Variants in ZFAT observed in about 807,000 individuals in gnomAD.
ZFAT encodes zinc finger and AT-hook domain containing, also known as zinc finger protein ZFAT.
Under a neutral mutation model 117.7 loss-of-function variants are expected in ZFAT, and 64 were observed. That is an observed-to-expected ratio of 0.54 (90% confidence interval 0.44 to 0.67). The LOEUF is 0.67. Among genes scored for constraint, ZFAT ranks in the 30% least tolerant of loss-of-function variants. The pLI is 0.00. For synonymous variants in ZFAT, 679 were observed against 615.0 expected, an observed-to-expected ratio of 1.10 and a Z score of -1.54; for missense variants, 1,433 against 1,584.5, an observed-to-expected ratio of 0.90 and a Z score of 1.62.
the ZFAT span, among the ~76,000 whole-genome samples, chr8:134,807,888 T>C: frequency 3.0e-3 from 450 of 152,228 alleles, no homozygotes; most frequent in African/African-American, 0.01. Flanking sequence ...CTTGAAAAAT[T>C]TATAAAATAG....
intron 12 of ZFAT, among the ~76,000 whole-genome samples, chr8:134,530,039 G>A (rs753814953): frequency 6.6e-6 from 1 of 152,158 alleles, no homozygotes; most frequent in African/African-American, 2.4e-5. Context: ...TGGAATCCCA[G>A]GATCCCTGTG....
intron 7 of ZFAT, chr8:134,600,039 C>A: frequency 2.8e-6 from 1 of 363,238 alleles, no homozygotes; most frequent in South Asian, 2.1e-5. Context: ...ATACTGTTCT[C>A]ATCACTGTAC....
intron 11 of ZFAT, among the ~76,000 whole-genome samples, chr8:134,537,076 A>G (rs1404407142): frequency 6.6e-6 from 1 of 152,188 alleles, no homozygotes; most frequent in Non-Finnish European, 1.5e-5. Flanking sequence ...AATATTACTG[A>G]TTTCTCTAAT....
chr8:134,516,487 T>C (rs1427969136), intron 13 of ZFAT, among the ~76,000 whole-genome samples: 1 of 152,166 alleles, frequency 6.6e-6, no homozygotes, highest in African/African-American at 2.4e-5. Context: ...CCTCATCGAA[T>C]GTTTGGTTAT....
At chr8:134,579,094 G>A (rs1049231563) in intron 10 of ZFAT, among the ~76,000 whole-genome samples, 13 of 152,140 alleles carry the variant, frequency 8.5e-5, no homozygotes, top group Non-Finnish European at 1.5e-4. Flanking sequence ...ATAAGAGACC[G>A]GGTCTAGGGA....
At chr8:134,707,839 T>C (rs1813842230) in intron 1 of ZFAT, among the ~76,000 whole-genome samples, 2 of 152,232 alleles carry the variant, frequency 1.3e-5, no homozygotes, top group African/African-American at 4.8e-5. Flanking sequence ...ATGTATTACA[T>C]GATTTAAAAT....
At chr8:134,621,058 T>C (rs1829074911) in intron 3 of ZFAT, among the ~76,000 whole-genome samples, 1 of 151,948 alleles carries the variant, frequency 6.6e-6, no homozygotes, top group Non-Finnish European at 1.5e-5. Flanking sequence ...ATATCTTCAC[T>C]GAGCTCTAGA....
intron 1 of ZFAT, among the ~76,000 whole-genome samples, chr8:134,712,225 C>T (rs1422319689): frequency 1.3e-5 from 2 of 152,310 alleles, no homozygotes; most frequent in Non-Finnish European, 2.9e-5. Flanking sequence ...CCTCTCTGAA[C>T]TTCTGTTCCT....
chr8:134,564,149 G>A (rs959746094), intron 11 of ZFAT, among the ~76,000 whole-genome samples: 2 of 144,098 alleles, frequency 1.4e-5, no homozygotes, highest in Non-Finnish European at 3.0e-5. Context: ...AGGAGCAGAG[G>A]AGTGAGACTC....
At chr8:134,493,780 T>G (rs1818226550) in intron 15 of ZFAT, among the ~76,000 whole-genome samples, 1 of 152,220 alleles carries the variant, frequency 6.6e-6, no homozygotes, top group African/African-American at 2.4e-5. Context: ...GCACTTAAGC[T>G]GCTGCCCGTG....
intron 13 of ZFAT, among the ~76,000 whole-genome samples, chr8:134,519,739 C>T (rs1192061043): frequency 1.3e-5 from 2 of 152,212 alleles, no homozygotes; most frequent in Non-Finnish European, 2.9e-5. Flanking sequence ...GCAGAGCCAC[C>T]GGGCACTCTT....
At chr8:134,656,982 T>G (rs1831645299) in intron 2 of ZFAT, among the ~76,000 whole-genome samples, 2 of 152,260 alleles carry the variant, frequency 1.3e-5, no homozygotes, top group South Asian at 4.1e-4. Context: ...CAAAGGATTC[T>G]GTGCAAATCA....
chr8:134,815,421 A>G, the ZFAT span, among the ~76,000 whole-genome samples: 2 of 152,226 alleles, frequency 1.3e-5, no homozygotes, highest in African/African-American at 2.4e-5. Context: ...CTAGAAATCC[A>G]AGTTGCTAGT....
At chr8:134,727,086 G>A in the ZFAT span, among the ~76,000 whole-genome samples, 3 of 151,334 alleles carry the variant, frequency 2.0e-5, no homozygotes, top group Non-Finnish European at 2.9e-5. Context: ...GATGACTGAC[G>A]CTAAACAAGC....
At chr8:134,643,551 A>G (rs186163410) in intron 2 of ZFAT, among the ~76,000 whole-genome samples, 1 of 152,332 alleles carries the variant, frequency 6.6e-6, no homozygotes, top group East Asian at 1.9e-4. Context: ...TCAGTATCTT[A>G]TCTCTCTTTG....
intron 13 of ZFAT, 127 bp from the exon 14 acceptor site, chr8:134,512,728 CT>C (rs1819951522): frequency 8.1e-7 from 1 of 1,228,582 alleles, no homozygotes; most frequent in Middle Eastern, 3.0e-4. Flanking sequence ...TCTCATTTAC[CT>C]GGCACCCCTG....
chr8:134,745,695 C>A, the ZFAT span, among the ~76,000 whole-genome samples: 1 of 152,190 alleles, frequency 6.6e-6, no homozygotes, highest in African/African-American at 2.4e-5. Context: ...ATTTTGCTTG[C>A]TGCCTTGCAG....
intron 3 of ZFAT, among the ~76,000 whole-genome samples, chr8:134,618,388 T>C (rs1039344557): frequency 3.9e-5 from 6 of 152,150 alleles, no homozygotes; most frequent in African/African-American, 1.2e-4. Flanking sequence ...TGTGTGGTGT[T>C]TGCTGCAGAA....
At chr8:134,781,221 G>T in the ZFAT span, among the ~76,000 whole-genome samples, 91 of 152,220 alleles carry the variant, frequency 6.0e-4, 1 homozygote, top group African/African-American at 2.0e-3. Context: ...AATCTCCTGT[G>T]CTCAAGCAAT....
Sources: allele counts gnomAD v4.1 joint callset (sites outside exome capture counted in the v4.1 genomes callset), GRCh38; gene constraint gnomAD v4.1.1; transcripts MANE v1.5; gene names NCBI Gene and HGNC (gene_info 2026-07-23, HGNC 2026-07-21).